MTMR8: variants seen among roughly 807,000 people sequenced by gnomAD.
MTMR8 encodes the protein myotubularin related protein 8, also known as phosphatidylinositol-3,5-bisphosphate 3-phosphatase MTMR8.
In MTMR8, 65 loss-of-function variants were observed where a neutral mutation model predicts 39.3. The observed-to-expected ratio is 1.65, with a 90% CI of 1.35 to 2.03. MTMR8 has a LOEUF of 2.03. MTMR8 is among the 30% of genes most tolerant of loss of function. The pLI, the probability that MTMR8 is intolerant of heterozygous loss-of-function variation, is 0.00. For synonymous variants in MTMR8, 245 were observed against 185.2 expected (o/e 1.32, Z -2.62); for missense variants, 777 against 538.9 (o/e 1.44, Z -4.37).
chrX:64,359,061 G>A (rs770354148), intron 2 of MTMR8, among the ~76,000 whole-genome samples: 7 of 110,887 alleles, frequency 6.3e-5, no homozygotes, highest in African/African-American at 2.3e-4. Flanking sequence ...GATGCTGCTG[G>A]TTCTTGAACT....
intron 11 of MTMR8, among the ~76,000 whole-genome samples, chrX:64,330,323 G>A (rs190980200): frequency 6.1e-4 from 68 of 111,841 alleles, no homozygotes; most frequent in African/African-American, 2.1e-3. Context: ...AAGACAGAGA[G>A]AGAGAAACAT....
intron 12 of MTMR8, among the ~76,000 whole-genome samples, chrX:64,317,432 T>C (rs1922500786): frequency 9.0e-6 from 1 of 111,704 alleles, no homozygotes; most frequent in Non-Finnish European, 1.9e-5. Flanking sequence ...TCTATTTTTA[T>C]ATCTCAAGCT....
chrX:64,335,390 C>T (rs754418686), intron 10 of MTMR8, among the ~76,000 whole-genome samples: 17 of 111,961 alleles, frequency 1.5e-4, no homozygotes, highest in Non-Finnish European at 3.0e-4. Context: ...CCTTGGCCTC[C>T]CAAAGTGCTA....
chrX:64,333,490 G>A (rs1922995324), intron 10 of MTMR8, among the ~76,000 whole-genome samples: 1 of 111,685 alleles, frequency 9.0e-6, no homozygotes, highest in Admixed American at 9.5e-5. Flanking sequence ...GTTTGGACTG[G>A]AACTTTCACC....
chrX:64,372,124 T>G (rs1924144956), intron 1 of MTMR8, among the ~76,000 whole-genome samples: 1 of 108,406 alleles, frequency 9.2e-6, no homozygotes, highest in African/African-American at 3.3e-5. Context: ...ATGTTAAGAT[T>G]TTTTAAACTT....
chrX:64,303,505 T>C (rs7886689), intron 12 of MTMR8, among the ~76,000 whole-genome samples: 2 of 112,202 alleles, frequency 1.8e-5, no homozygotes, highest in Non-Finnish European at 3.8e-5. Context: ...ATAGAGGCTA[T>C]TGGTGGTTAA....
rs182476216 is a variant in MTMR8 at position 64,348,906 on chromosome X, T to C, written c.598-112A>G. The C allele has an allele frequency of 7.7e-3, 6,479 of 837,511 alleles. 31 individuals are homozygous for C. Among genetic ancestry groups the C allele is most frequent in the Non-Finnish European group, 9.6e-3 (5,654 of 591,295 alleles). 69.0% of individuals were successfully genotyped at this position (837,511 alleles called of 1,213,427 possible). On this transcript the variant is annotated intron_variant, in intron 5 of 13. Transcript: ENST00000374852. ...AGGGAGAGGATGAGCCAACTTAAGA[T>C]AGTGTCCAAAGCAAAGAGAAATGTG...
At chrX:64,361,859 A>G (rs960674579) in intron 1 of MTMR8, among the ~76,000 whole-genome samples, 1 of 110,958 alleles carries the variant, frequency 9.0e-6, no homozygotes, top group African/African-American at 3.3e-5. Flanking sequence ...AAGAAATGCA[A>G]GGATCAGAAG....
At chrX:64,327,860 G>T (rs1922840097) in intron 12 of MTMR8, among the ~76,000 whole-genome samples, 1 of 111,932 alleles carries the variant, frequency 8.9e-6, no homozygotes, top group Admixed American at 9.5e-5. Context: ...AAAAAAGAAA[G>T]AAATGCTGTC....
chrX:64,374,322 G>T (rs139016591), intron 1 of MTMR8, among the ~76,000 whole-genome samples: 124 of 111,844 alleles, frequency 1.1e-3, no homozygotes, highest in African/African-American at 4.0e-3. Flanking sequence ...TTTAATTCAA[G>T]ATTCTGTAGT....
chrX:64,348,077 T>G (rs1218480371), intron 6 of MTMR8, among the ~76,000 whole-genome samples: 2 of 111,610 alleles, frequency 1.8e-5, no homozygotes, highest in African/African-American at 3.3e-5. Flanking sequence ...GGACGAAGAT[T>G]TAAACTGCAC....
At chrX:64,302,503 G>A (rs940597636) in intron 12 of MTMR8, among the ~76,000 whole-genome samples, 62 of 112,032 alleles carry the variant, frequency 5.5e-4, no homozygotes, top group African/African-American at 2.0e-3. Flanking sequence ...ACCTCAGATG[G>A]AAATGCAGAA....
At chrX:64,358,575 G>T (rs1321776617) in intron 2 of MTMR8, among the ~76,000 whole-genome samples, 1 of 111,151 alleles carries the variant, frequency 9.0e-6, no homozygotes, top group African/African-American at 3.3e-5. Context: ...ACTTGCCCAA[G>T]GTTACAAAAG....
At chrX:64,373,970 C>A (rs1436388452) in intron 1 of MTMR8, among the ~76,000 whole-genome samples, 7 of 112,044 alleles carry the variant, frequency 6.2e-5, no homozygotes. Flanking sequence ...GATGTTCACT[C>A]TACCACAGAG....
chrX:64,356,304 A>G lies in MTMR8; in HGVS notation c.182T>C (p.Leu61Ser). ...GGGACAACCCAGGCTAGTGATGGGT[A>G]ACTTCTCCACAGTGGCAATGTGATG... ...ALHHIATVEK[L>S]PITSLGCPLT... The change falls in exon 3 of 14, where the codon TTA (leucine) becomes TCA (serine). Residue 61 changes from leucine (L) to serine (S), a missense_variant. By Grantham distance (145) the Leu-to-Ser change is moderately radical. Transcript: ENST00000374852. 8.3e-7 allele frequency: 1 copy of G among 1,208,822 alleles called. No homozygotes were observed. The highest frequency in any genetic ancestry group is 1.1e-6 in the Non-Finnish European group (1 of 894,450).
intron 12 of MTMR8, among the ~76,000 whole-genome samples, chrX:64,281,421 G>A (rs763996569): frequency 4.5e-5 from 5 of 111,378 alleles, no homozygotes; most frequent in Middle Eastern, 4.2e-3. Flanking sequence ...TCTGATCTTC[G>A]ACAAACCTGA....
At chrX:64,328,597 C>G (rs1922859051) in intron 12 of MTMR8, among the ~76,000 whole-genome samples, 175 bp downstream of exon 12, 1 of 111,586 alleles carries the variant, frequency 9.0e-6, no homozygotes, top group Non-Finnish European at 1.9e-5. Flanking sequence ...GCCCTGAAAA[C>G]CAAAAGGAAT....
intron 8 of MTMR8, among the ~76,000 whole-genome samples, chrX:64,341,414 G>C (rs986867548): frequency 4.7e-5 from 5 of 105,577 alleles, no homozygotes; most frequent in African/African-American, 1.7e-4. Flanking sequence ...GGTAGGCGGA[G>C]GTTGCAGTGA....
At chrX:64,370,900 C>T (rs1924113906) in intron 1 of MTMR8, among the ~76,000 whole-genome samples, 1 of 111,940 alleles carries the variant, frequency 8.9e-6, no homozygotes, top group South Asian at 3.7e-4. Context: ...AACCTGTAAT[C>T]CCAGCACTTT....
Sources: gnomAD v4.1 joint callset for allele counts (sites outside exome capture counted in the v4.1 genomes callset) on GRCh38, gnomAD v4.1.1 for gene constraint, MANE v1.5 for transcripts, NCBI Gene and HGNC (gene_info 2026-07-23, HGNC 2026-07-21) for gene names.